Variants in ANKS1B observed in about 807,000 individuals in gnomAD.
ANKS1B encodes ankyrin repeat and sterile alpha motif domain-containing protein 1B.
A neutral mutation model predicts 148.3 loss-of-function variants in ANKS1B; 36 were observed. The ratio of observed to expected loss-of-function variants is 0.24; its 90% confidence interval spans 0.19 to 0.32. The LOEUF is 0.32. ANKS1B is among the 10% of genes least tolerant of loss of function. The pLI, the probability that ANKS1B is intolerant of heterozygous loss-of-function variation, is 1.00. For synonymous variants in ANKS1B, 542 were observed against 560.8 expected (o/e 0.97, Z 0.47); for missense variants, 1,157 against 1,542.6 (o/e 0.75, Z 4.19).
intron 9 of ANKS1B, among the ~76,000 whole-genome samples, chr12:99,628,805 G>GT (rs1371000045): frequency 1.3e-5 from 2 of 152,110 alleles, no homozygotes; most frequent in Non-Finnish European, 2.9e-5. Flanking sequence ...AACTTACTTT[G>GT]TATCAGGAAT....
At chr12:99,645,525 C>A (rs1311035351) in intron 9 of ANKS1B, among the ~76,000 whole-genome samples, 1 of 152,012 alleles carries the variant, frequency 6.6e-6, no homozygotes, top group Non-Finnish European at 1.5e-5. Context: ...AAATAAGGCC[C>A]AGAGAGGTTA....
chr12:99,805,048 G>C (rs1211911631), intron 4 of ANKS1B, among the ~76,000 whole-genome samples: 1 of 152,026 alleles, frequency 6.6e-6, no homozygotes, highest in East Asian at 1.9e-4. Flanking sequence ...AGAACCATCA[G>C]TTGAGCTTAG....
At chr12:98,946,152 T>C (rs901952428) in intron 17 of ANKS1B, among the ~76,000 whole-genome samples, 12 of 152,210 alleles carry the variant, frequency 7.9e-5, no homozygotes, top group African/African-American at 2.9e-4. Flanking sequence ...CAGAAGTTTT[T>C]TGGGGCTTCT....
intron 9 of ANKS1B, among the ~76,000 whole-genome samples, chr12:99,537,801 C>T (rs1351011661): frequency 1.3e-5 from 2 of 152,034 alleles, no homozygotes; most frequent in Non-Finnish European, 2.9e-5. Context: ...GTTGTCTGTG[C>T]TTATGGTATA....
intron 1 of ANKS1B, among the ~76,000 whole-genome samples, chr12:99,857,053 GAAAT>G (rs371559890): frequency 2.6e-4 from 39 of 152,210 alleles, no homozygotes; most frequent in Admixed American, 2.6e-4. Context: ...ACAAGAGAAA[GAAAT>G]AAAGGGGATC....
chr12:99,753,037 A>C (rs2153597677), intron 8 of ANKS1B, among the ~76,000 whole-genome samples: 1 of 152,246 alleles, frequency 6.6e-6, no homozygotes, highest in Non-Finnish European at 1.5e-5. Flanking sequence ...ATTATATAGT[A>C]TAAAGATTAT....
chr12:99,301,141 G>C (rs1442173624), intron 12 of ANKS1B, among the ~76,000 whole-genome samples: 1 of 152,184 alleles, frequency 6.6e-6, no homozygotes, highest in Non-Finnish European at 1.5e-5. Context: ...CTCAAGAAGA[G>C]AGCAAATTAG....
intron 12 of ANKS1B, among the ~76,000 whole-genome samples, chr12:99,322,515 A>G (rs2085483085): frequency 1.3e-5 from 2 of 152,004 alleles, no homozygotes; most frequent in African/African-American, 4.8e-5. Context: ...AAATCTCAGT[A>G]CAAAAGATAT....
At chr12:99,559,860 C>T (rs1020130346) in intron 9 of ANKS1B, among the ~76,000 whole-genome samples, 1 of 152,088 alleles carries the variant, frequency 6.6e-6, no homozygotes, top group Non-Finnish European at 1.5e-5. Context: ...TGCTTACATG[C>T]AACAGATAAT....
chr12:99,223,466 C>T (rs138951450), intron 14 of ANKS1B, among the ~76,000 whole-genome samples: 89 of 152,100 alleles, frequency 5.9e-4, no homozygotes, highest in Middle Eastern at 3.4e-3. Context: ...TAGATGGTCC[C>T]ATCTGGGGGT....
intron 21 of ANKS1B, among the ~76,000 whole-genome samples, chr12:98,800,378 C>T (rs1411810255): frequency 1.3e-5 from 2 of 152,024 alleles, no homozygotes; most frequent in African/African-American, 4.8e-5. Context: ...GAGGCAGTTT[C>T]AATGCACTGC....
chr12:98,945,275 C>T (rs2099843274), intron 17 of ANKS1B, among the ~76,000 whole-genome samples: 1 of 152,026 alleles, frequency 6.6e-6, no homozygotes, highest in South Asian at 2.1e-4. Context: ...ATGGGCAGAT[C>T]ACTTGAGCTC....
chr12:99,482,360 G>A (rs535382841), intron 10 of ANKS1B, among the ~76,000 whole-genome samples: 71 of 151,916 alleles, frequency 4.7e-4, no homozygotes, highest in Middle Eastern at 3.4e-3. Flanking sequence ...TTATTTCTGG[G>A]TTCTCTATTC....
At chr12:99,783,225 A>T (rs1214593321) in intron 4 of ANKS1B, among the ~76,000 whole-genome samples, 1 of 151,782 alleles carries the variant, frequency 6.6e-6, no homozygotes, top group Admixed American at 6.6e-5. Flanking sequence ...AAGAAAAGAA[A>T]ATGCATTTAA....
intron 14 of ANKS1B, among the ~76,000 whole-genome samples, chr12:99,228,120 A>G (rs545175073): frequency 6.6e-6 from 1 of 151,732 alleles, no homozygotes; most frequent in South Asian, 2.1e-4. Flanking sequence ...GCTGGAAAAG[A>G]TCTAGCCCTA....
At chr12:99,535,630 T>C (rs1243879226) in intron 9 of ANKS1B, among the ~76,000 whole-genome samples, 1 of 152,150 alleles carries the variant, frequency 6.6e-6, no homozygotes, top group Admixed American at 6.5e-5. Flanking sequence ...AGGCTCTACT[T>C]TGAGCTCATC....
intron 17 of ANKS1B, among the ~76,000 whole-genome samples, chr12:98,981,582 C>A (rs776848407): frequency 6.6e-6 from 1 of 152,118 alleles, no homozygotes; most frequent in Non-Finnish European, 1.5e-5. Context: ...GTGACCCACC[C>A]GCCTTGGCCT....
chr12:98,954,188 A>T (rs2099858660), intron 17 of ANKS1B, among the ~76,000 whole-genome samples: 1 of 152,206 alleles, frequency 6.6e-6, no homozygotes, highest in East Asian at 1.9e-4. Flanking sequence ...ACTCAATCCA[A>T]ACACCAACTT....
At chr12:99,858,448 C>A (rs2089526776) in intron 1 of ANKS1B, among the ~76,000 whole-genome samples, 1 of 152,058 alleles carries the variant, frequency 6.6e-6, no homozygotes, top group South Asian at 2.1e-4. Flanking sequence ...AGTACAAGCA[C>A]TATGGAAAAC....
Sources: allele counts gnomAD v4.1 joint callset (sites outside exome capture counted in the v4.1 genomes callset), GRCh38; gene constraint gnomAD v4.1.1; transcripts MANE v1.5; gene names NCBI Gene and HGNC (gene_info 2026-07-23, HGNC 2026-07-21).